SEMA6D: variants seen among roughly 807,000 people sequenced by gnomAD.
SEMA6D encodes the protein semaphorin-6D.
In SEMA6D, 35 loss-of-function variants were observed where a neutral mutation model predicts 106.6. The observed-to-expected ratio is 0.33, with a 90% CI of 0.25 to 0.44. The LOEUF is 0.44. SEMA6D is among the 20% of genes least tolerant of loss of function. SEMA6D has a pLI of 1.00. For synonymous variants in SEMA6D, 499 were observed against 487.7 expected (o/e 1.02, Z -0.31); for missense variants, 1,185 against 1,345.9 (o/e 0.88, Z 1.87).
chr15:47,676,918 A>G (rs1348494265), intron 4 of SEMA6D, among the ~76,000 whole-genome samples: 1 of 144,034 alleles, frequency 6.9e-6, no homozygotes, highest in Non-Finnish European at 1.5e-5. Context: ...TGAGGAAGAC[A>G]GTTTTTTCAT....
chr15:47,221,432 G>A lies in SEMA6D; in HGVS notation c.-239+37014G>A, dbSNP rs74013751. On this transcript the variant is annotated intron_variant, in intron 1 of 19. Coordinates refer to the SEMA6D transcript ENST00000558014. ...CCCTTGATTATTTCATTAACCCTGC[G>A]GGCACTTCTTTAAACAGTTCCTTCA... Among the ~76,000 whole-genome samples, 471 of 152,188 alleles carry A rather than the reference G, an allele frequency of 3.1e-3. 2 individuals are homozygous for A. The highest frequency in any genetic ancestry group is 0.011 in the African/African-American group (445 of 41,508).
At chr15:47,457,472 G>A (rs2042378157) in intron 2 of SEMA6D, among the ~76,000 whole-genome samples, 1 of 151,846 alleles carries the variant, frequency 6.6e-6, no homozygotes, top group South Asian at 2.1e-4. Flanking sequence ...GTAAAAGAAA[G>A]CATGAGCATG....
At chr15:47,311,441 A>T (rs2036445440) in intron 1 of SEMA6D, among the ~76,000 whole-genome samples, 1 of 152,114 alleles carries the variant, frequency 6.6e-6, no homozygotes, top group Non-Finnish European at 1.5e-5. Flanking sequence ...CCAACAGGGG[A>T]TCATGGGAGG....
At chr15:47,631,709 T>C (rs1221751833) in intron 4 of SEMA6D, among the ~76,000 whole-genome samples, 3 of 151,940 alleles carry the variant, frequency 2.0e-5, no homozygotes, top group African/African-American at 7.2e-5. Context: ...CTAGAACCTA[T>C]TCTGTAGAAC....
chr15:47,416,747 A>C (rs2040980054), intron 2 of SEMA6D, among the ~76,000 whole-genome samples: 1 of 152,114 alleles, frequency 6.6e-6, no homozygotes, highest in South Asian at 2.1e-4. Context: ...AAATTGACAG[A>C]GATTCTAGTA....
chr15:47,358,621 T>G (rs1260129899), intron 1 of SEMA6D, among the ~76,000 whole-genome samples: 1 of 152,140 alleles, frequency 6.6e-6, no homozygotes, highest in East Asian at 1.9e-4. Flanking sequence ...ACTTTCCTGG[T>G]TTCTGAAATG....
At chr15:47,563,172 G>A (rs2046129016) in intron 3 of SEMA6D, among the ~76,000 whole-genome samples, 1 of 152,148 alleles carries the variant, frequency 6.6e-6, no homozygotes, top group South Asian at 2.1e-4. Context: ...ATTGCCTGGG[G>A]CTAAGAAATC....
At chr15:47,436,315 A>T (rs1239592823) in intron 2 of SEMA6D, among the ~76,000 whole-genome samples, 1 of 151,864 alleles carries the variant, frequency 6.6e-6, no homozygotes, top group East Asian at 1.9e-4. Flanking sequence ...GCTTCAACCC[A>T]GGAAGCGGAG....
chr15:47,264,501 A>G (rs545038167), intron 1 of SEMA6D, among the ~76,000 whole-genome samples: 33 of 152,210 alleles, frequency 2.2e-4, no homozygotes, highest in South Asian at 1.0e-3. Context: ...GTACCATCTT[A>G]CATTCCCATC....
chr15:47,260,001 T>G (rs1402361568), intron 1 of SEMA6D, among the ~76,000 whole-genome samples: 3 of 152,058 alleles, frequency 2.0e-5, no homozygotes, highest in Non-Finnish European at 2.9e-5. Context: ...TAGCATGTTT[T>G]TTTTTTTCCA....
intron 1 of SEMA6D, among the ~76,000 whole-genome samples, chr15:47,314,783 C>T (rs1421699287): frequency 6.7e-6 from 1 of 149,226 alleles, no homozygotes; most frequent in African/African-American, 2.5e-5. Flanking sequence ...CAATTATTAT[C>T]TCATGGATCC....
chr15:47,555,779 T>A (rs1463414832), intron 3 of SEMA6D, among the ~76,000 whole-genome samples: 2 of 152,192 alleles, frequency 1.3e-5, no homozygotes, highest in Non-Finnish European at 2.9e-5. Context: ...GGCTTTCAAG[T>A]GGCATGATGT....
intron 3 of SEMA6D, among the ~76,000 whole-genome samples, chr15:47,490,070 C>T (rs528066650): frequency 1.3e-5 from 2 of 152,260 alleles, no homozygotes; most frequent in South Asian, 4.1e-4. Flanking sequence ...TGAAGGTTTT[C>T]CAGTTGTGCT....
intron 4 of SEMA6D, among the ~76,000 whole-genome samples, chr15:47,668,441 G>A (rs1476246609): frequency 5.9e-5 from 9 of 152,100 alleles, no homozygotes; most frequent in Admixed American, 2.0e-4. Context: ...AAAGAGCTGC[G>A]TAATATATGA....
Position 47,367,851 on chromosome 15 carries a change from G to T in SEMA6D, c.-238-44542G>T, listed in dbSNP as rs544029176. Among the ~76,000 whole-genome samples the T allele has an allele frequency of 1.3e-4, 20 of 152,244 alleles. No individual in the cohort carries two copies. In the South Asian group the frequency reaches 3.7e-3, roughly 28 times the overall value. On this transcript the variant is annotated intron_variant, in intron 1 of 19. Transcript: ENST00000558014. Reference sequence around the variant, plus strand: ...CATCTTAATTAAAGAATGTTGGAGCGATGCTTTCTGCTTTTTTGATGACAA... The same window carrying T: ...CATCTTAATTAAAGAATGTTGGAGCTATGCTTTCTGCTTTTTTGATGACAA...
At chr15:47,270,659 A>G (rs2034518731) in intron 1 of SEMA6D, among the ~76,000 whole-genome samples, 1 of 152,230 alleles carries the variant, frequency 6.6e-6, no homozygotes. Context: ...CAAACTATTT[A>G]GCAATTCATC....
At chr15:47,227,547 T>A (rs1315976043) in intron 1 of SEMA6D, among the ~76,000 whole-genome samples, 2 of 100,822 alleles carry the variant, frequency 2.0e-5, no homozygotes, top group Admixed American at 1.2e-4. Flanking sequence ...CCTCTTTCTC[T>A]CTCTCTGTCT....
At chr15:47,298,714 C>T (rs898240958) in intron 1 of SEMA6D, among the ~76,000 whole-genome samples, 6 of 152,150 alleles carry the variant, frequency 3.9e-5, no homozygotes, top group African/African-American at 1.4e-4. Context: ...TCTTGTCTCT[C>T]CTCCTATTGC....
chr15:47,367,692 GCA>G (rs72057750), intron 1 of SEMA6D, among the ~76,000 whole-genome samples: 3,532 of 73,236 alleles, frequency 0.048, 61 homozygotes, highest in South Asian at 0.12. Flanking sequence ...GCGCGCGCGC[GCA>G]CACACACACA....
Sources: gnomAD v4.1 joint callset for allele counts (sites outside exome capture counted in the v4.1 genomes callset) on GRCh38, gnomAD v4.1.1 for gene constraint, MANE v1.5 for transcripts, NCBI Gene and HGNC (gene_info 2026-07-23, HGNC 2026-07-21) for gene names.